Variants in ST6GAL2 observed in about 807,000 individuals in gnomAD.
ST6GAL2 encodes the protein beta-galactoside alpha-2,6-sialyltransferase 2.
A neutral mutation model predicts 37.5 loss-of-function variants in ST6GAL2; 24 were observed. That is an observed-to-expected ratio of 0.64 (90% CI 0.46 to 0.90). The LOEUF (loss-of-function observed/expected upper bound fraction) is 0.90. Ranked by LOEUF, ST6GAL2 falls within the 40% of genes least tolerant of loss-of-function variation. ST6GAL2 has a pLI of 0.00. For missense variants in ST6GAL2, 715 were observed against 712.7 expected, an observed-to-expected ratio of 1.00 and a Z score of -0.04; for synonymous variants, 306 against 295.1, an observed-to-expected ratio of 1.04 and a Z score of -0.38.
In ST6GAL2 at chr2:106,867,537, G is replaced by A. The variant is rs1678084307; in HGVS notation, c.-58+18556C>T. ...CTATGATTTTGGAGACAACAAAGGCGAAGTCATTTCTAAGAACCTCAGAAA... is the reference window on the plus strand; with the variant it reads ...CTATGATTTTGGAGACAACAAAGGCAAAGTCATTTCTAAGAACCTCAGAAA... On this transcript the variant is annotated intron_variant, in intron 1 of 5. Coordinates refer to ENST00000409382, the MANE Select transcript of ST6GAL2 (RefSeq NM_001142351.2). Among the ~76,000 whole-genome samples the A allele has an allele frequency of 3.3e-5, 5 of 152,296 alleles. No individual in the cohort carries two copies. The Middle Eastern group carries it at 0.014, about 414-fold the overall frequency.
At chr2:106,886,234 C>T (rs1678987083), upstream of ST6GAL2, 1 of 152,182 alleles carries the variant, frequency 6.6e-6, no homozygotes, top group Admixed American at 6.5e-5. Context: ...GCTACGCGCT[C>T]CCACACTCAC....
At chr2:106,852,819 G>A (rs1000947120) in intron 1 of ST6GAL2, among the ~76,000 whole-genome samples, 1 of 152,176 alleles carries the variant, frequency 6.6e-6, no homozygotes, top group Non-Finnish European at 1.5e-5. Flanking sequence ...GGGGGCTGGT[G>A]GGTGCACGAG....
chr2:106,855,240 T>G (rs1677527639), intron 1 of ST6GAL2, among the ~76,000 whole-genome samples: 1 of 152,212 alleles, frequency 6.6e-6, no homozygotes, highest in Non-Finnish European at 1.5e-5. Flanking sequence ...GTGAGGCCTC[T>G]CACAAGAACC....
chr2:106,871,916 C>G (rs1014076388), intron 1 of ST6GAL2, among the ~76,000 whole-genome samples: 1 of 152,210 alleles, frequency 6.6e-6, no homozygotes, highest in African/African-American at 2.4e-5. Flanking sequence ...AATACACAAA[C>G]CAGTAACACA....
intron 1 of ST6GAL2, among the ~76,000 whole-genome samples, chr2:106,865,447 T>C (rs1677984095): frequency 6.6e-6 from 1 of 152,228 alleles, no homozygotes; most frequent in Non-Finnish European, 1.5e-5. Flanking sequence ...GTGCTGTACA[T>C]GTGCATCAGT....
intron 1 of ST6GAL2, among the ~76,000 whole-genome samples, chr2:106,882,636 C>G (rs1678800603): frequency 6.6e-6 from 1 of 152,170 alleles, no homozygotes; most frequent in African/African-American, 2.4e-5. Flanking sequence ...TTAATATAAG[C>G]CTTCCTTTTC....
chr2:106,835,174 C>G (rs188644203), intron 2 of ST6GAL2, among the ~76,000 whole-genome samples: 53 of 152,266 alleles, frequency 3.5e-4, no homozygotes, highest in African/African-American at 1.2e-3. Context: ...TTCTAAGGGC[C>G]ATCTTTAGCT....
intron 1 of ST6GAL2, among the ~76,000 whole-genome samples, chr2:106,884,906 C>CATATATATATATATATATATAT (rs772381082): frequency 3.9e-5 from 3 of 76,484 alleles, no homozygotes; most frequent in African/African-American, 6.9e-5. Flanking sequence ...ATTTGCAGCG[C>CATATATATATATATATATATAT]ATATATATAT....
intron 5 of ST6GAL2, among the ~76,000 whole-genome samples, chr2:106,816,626 T>C (rs1675809262): frequency 6.6e-6 from 1 of 152,114 alleles, no homozygotes; most frequent in Non-Finnish European, 1.5e-5. Context: ...CAGTACACAT[T>C]AGTTTTAAAA....
At chr2:106,883,981 T>G (rs1345691717) in intron 1 of ST6GAL2, among the ~76,000 whole-genome samples, 2 of 152,228 alleles carry the variant, frequency 1.3e-5, no homozygotes, top group Non-Finnish European at 2.9e-5. Context: ...GAAATCAGTT[T>G]GTCTTTCAGA....
intron 1 of ST6GAL2, among the ~76,000 whole-genome samples, chr2:106,879,403 A>G (rs1006171898): frequency 6.6e-5 from 10 of 152,106 alleles, no homozygotes; most frequent in Admixed American, 2.6e-4. Flanking sequence ...CAACTTTGGA[A>G]ACTCTCCCAC....
chr2:106,865,690 A>G (rs1677998080), intron 1 of ST6GAL2, among the ~76,000 whole-genome samples: 2 of 152,282 alleles, frequency 1.3e-5, no homozygotes, highest in Admixed American at 6.5e-5. Flanking sequence ...TTTAGGGCCC[A>G]TGTCAGACAT....
intron 1 of ST6GAL2, among the ~76,000 whole-genome samples, chr2:106,878,828 T>A (rs1164033962): frequency 6.6e-6 from 1 of 152,104 alleles, no homozygotes; most frequent in Non-Finnish European, 1.5e-5. Context: ...ATGACTATAT[T>A]TCTACATCAT....
chr2:106,835,858 C>A (rs1676613842), intron 2 of ST6GAL2, among the ~76,000 whole-genome samples: 1 of 152,156 alleles, frequency 6.6e-6, no homozygotes, highest in African/African-American at 2.4e-5. Context: ...AAAACCAGTT[C>A]TTTACTTCAC....
At chr2:106,814,353 A>C (rs1675719857) in intron 5 of ST6GAL2, among the ~76,000 whole-genome samples, 1 of 152,186 alleles carries the variant, frequency 6.6e-6, no homozygotes, top group African/African-American at 2.4e-5. Context: ...AGCCAATATA[A>C]AATGGAAAAG....
intron 1 of ST6GAL2, among the ~76,000 whole-genome samples, chr2:106,884,688 C>T (rs1212221366): frequency 6.6e-6 from 1 of 151,896 alleles, no homozygotes; most frequent in East Asian, 1.9e-4. Flanking sequence ...GGCACTTCAC[C>T]TATTATTTTA....
chr2:106,805,278 C>T lies in ST6GAL2; in HGVS notation c.*1400G>A, dbSNP rs918113873. The T allele has an allele frequency of 1.3e-5, 2 of 152,190 alleles. No individual in the cohort carries two copies. The highest frequency in any genetic ancestry group is 2.9e-5 in the Non-Finnish European group (2 of 68,038). 9.4% of individuals were successfully genotyped at this position (152,190 alleles called of 1,614,324 possible). A position where few individuals can be genotyped will look rare whatever the true frequency, so the allele number is the denominator to read the frequency against. ...GTCATTGCAACAAGTCTTAACTGTA[C>T]CATGGAGATATGTTTTGGTTATACA... On this transcript the variant is annotated 3_prime_UTR_variant, in exon 6 of 6. Transcript: ENST00000409382.
At chr2:106,847,172 G>A (rs1260496738) in intron 1 of ST6GAL2, among the ~76,000 whole-genome samples, 2 of 152,116 alleles carry the variant, frequency 1.3e-5, no homozygotes, top group Non-Finnish European at 2.9e-5. Context: ...GAATGTCTTG[G>A]CATTGTACAA....
At chr2:106,836,099 A>G (rs1402391050) in intron 2 of ST6GAL2, among the ~76,000 whole-genome samples, 1 of 152,202 alleles carries the variant, frequency 6.6e-6, no homozygotes, top group African/African-American at 2.4e-5. Flanking sequence ...ATGTCTATTA[A>G]TTTATTTTAA....
Sources: allele counts gnomAD v4.1 joint callset (sites outside exome capture counted in the v4.1 genomes callset), GRCh38; gene constraint gnomAD v4.1.1; transcripts MANE v1.5; gene names NCBI Gene and HGNC (gene_info 2026-07-23, HGNC 2026-07-21).